WDR72: variants seen among roughly 807,000 people sequenced by gnomAD.
WDR72 encodes WD repeat domain 72.
In WDR72, 120 loss-of-function variants were observed where a neutral mutation model predicts 124.2. The ratio of observed to expected loss-of-function variants is 0.97; its 90% CI spans 0.83 to 1.12. The LOEUF (loss-of-function observed/expected upper bound fraction) is 1.12. WDR72 is among the 50% of genes most tolerant of loss of function. WDR72 has a pLI of 0.00. For missense variants in WDR72, 1,387 were observed against 1,278.8 expected (o/e 1.08, Z -1.29); for synonymous variants, 452 against 441.7 (o/e 1.02, Z -0.29).
intron 1 of WDR72, among the ~76,000 whole-genome samples, chr15:53,735,997 A>G (rs2018342857): frequency 6.6e-6 from 1 of 152,108 alleles, no homozygotes; most frequent in Non-Finnish European, 1.5e-5. Context: ...AGGGAGAATA[A>G]TTAACTTGAA....
chr15:53,740,532 GT>G (rs2018482852), intron 1 of WDR72, among the ~76,000 whole-genome samples: 1 of 152,040 alleles, frequency 6.6e-6, no homozygotes. Context: ...TCCTGACCTC[GT>G]GATCCGCCCG....
intron 14 of WDR72, among the ~76,000 whole-genome samples, chr15:53,621,095 T>G (rs538062264): frequency 1.3e-5 from 2 of 152,026 alleles, no homozygotes; most frequent in African/African-American, 2.4e-5. Flanking sequence ...AAAACCACAA[T>G]GCAATACCAC....
intron 18 of WDR72, among the ~76,000 whole-genome samples, chr15:53,572,540 C>T (rs1894578622): frequency 6.6e-6 from 1 of 152,062 alleles, no homozygotes; most frequent in African/African-American, 2.4e-5. Context: ...TTTGTTAGAA[C>T]TGACTCGAAA....
intron 2 of WDR72, among the ~76,000 whole-genome samples, chr15:53,726,264 G>GTGTGTATATA (rs1555428779): frequency 1.3e-4 from 14 of 110,356 alleles, no homozygotes; most frequent in Middle Eastern, 4.5e-3. Flanking sequence ...ATGTATGTGT[G>GTGTGTATATA]TATATATATA....
intron 18 of WDR72, among the ~76,000 whole-genome samples, chr15:53,596,386 A>T (rs909936716): frequency 2.6e-5 from 4 of 152,146 alleles, no homozygotes; most frequent in Admixed American, 2.6e-4. Flanking sequence ...ATTTAGACTC[A>T]CTTGTTGGCC....
chr15:53,672,200 G>T (rs2016016383), intron 13 of WDR72, among the ~76,000 whole-genome samples: 1 of 151,630 alleles, frequency 6.6e-6, no homozygotes, highest in African/African-American at 2.4e-5. Context: ...TACGGTAAAG[G>T]CCAAGTTTAA....
chr15:53,682,325 T>A (rs1200612733), intron 13 of WDR72, among the ~76,000 whole-genome samples: 1 of 151,562 alleles, frequency 6.6e-6, no homozygotes, highest in Non-Finnish European at 1.5e-5. Flanking sequence ...GGTGGGAGGA[T>A]GCACTCATGT....
Position 53,516,430 on chromosome 15 carries a change from G to A in WDR72, c.*1269C>T, listed in dbSNP as rs549704607. 1 of 152,068 alleles carries A rather than the reference G, an allele frequency of 6.6e-6. No homozygotes were observed. Among genetic ancestry groups the A allele is most frequent in the Admixed American group, 6.6e-5 (1 of 15,244 alleles). The allele number at this position is 152,068 out of a possible 1,614,324, so 9.4% of individuals were successfully genotyped here. On this transcript the variant is annotated 3_prime_UTR_variant, in exon 20 of 20. Transcript: ENST00000360509. ...GCATAAGACCTGAGGCTGGTCCCAT[G>A]CTCAAAAATGTTTCTTTAATTGAAG...
At chr15:53,680,475 AAGG>A (rs1325699146) in intron 13 of WDR72, among the ~76,000 whole-genome samples, 7 of 152,182 alleles carry the variant, frequency 4.6e-5, no homozygotes, top group African/African-American at 1.7e-4. Flanking sequence ...GACCTCTAAT[AAGG>A]AACATGTAAC....
intron 13 of WDR72, among the ~76,000 whole-genome samples, chr15:53,667,244 T>C (rs1370118741): frequency 6.6e-6 from 1 of 151,978 alleles, no homozygotes; most frequent in Non-Finnish European, 1.5e-5. Context: ...TCCCAGCTAC[T>C]AGGTAGGGCT....
At chr15:53,682,405 A>G (rs1215331922) in intron 13 of WDR72, among the ~76,000 whole-genome samples, 1 of 152,142 alleles carries the variant, frequency 6.6e-6, no homozygotes. Flanking sequence ...TAAAATATAT[A>G]TATACAACGA....
At chr15:53,570,196 C>T (rs751218512) in intron 18 of WDR72, among the ~76,000 whole-genome samples, 52 of 151,028 alleles carry the variant, frequency 3.4e-4, no homozygotes, top group African/African-American at 1.1e-3. Flanking sequence ...CATGATGTTT[C>T]GAAATATGTA....
rs941030539 is a variant in WDR72 at position 53,517,472 on chromosome 15, T to C, written c.*227A>G. The stretch of plus-strand genomic sequence containing the variant: ...CAGGAATAGAGAATGATCTAGGCAA[T>C]ATTTTTCTAAAATTAGATGAATATG... On this transcript the variant is annotated 3_prime_UTR_variant, in exon 20 of 20. Coordinates refer to ENST00000360509, the MANE Select transcript of WDR72 (RefSeq NM_182758.4). 1 of 518,456 alleles carries C rather than the reference T, an allele frequency of 1.9e-6. No homozygotes were observed. The highest frequency in any genetic ancestry group is 1.9e-5 in the African/African-American group (1 of 51,872). The allele number at this position is 518,456 out of a possible 1,614,324, so 32.1% of individuals were successfully genotyped here.
chr15:53,706,017 T>A lies in WDR72; in HGVS notation c.1012A>T (p.Lys338Ter), dbSNP rs761498935. 2.5e-6 allele frequency: 4 copies of A among 1,614,056 alleles called. No individual in the cohort carries two copies. The highest frequency in any genetic ancestry group is 3.4e-6 in the Non-Finnish European group (4 of 1,179,994). ...GAGACTTCTCCAGAGAAAAGTACCTTGTAAAAAGGCTCTTTCCTTTCATTC... is the reference window on the plus strand; with the variant it reads ...GAGACTTCTCCAGAGAAAAGTACCTAGTAAAAAGGCTCTTTCCTTTCATTC... ...YMNERKEPFY[K>*]VLFSGEVSGR... Residue 338 changes from lysine to a stop codon, truncating the protein, a stop_gained, in exon 10 of 20, where the codon AAG becomes TAG. Coordinates refer to ENST00000360509, the MANE Select transcript of WDR72 (RefSeq NM_182758.4). LOFTEE classifies it high-confidence loss of function.
chr15:53,734,299 A>G (rs1392331810), intron 1 of WDR72, among the ~76,000 whole-genome samples: 1 of 152,200 alleles, frequency 6.6e-6, no homozygotes, highest in Non-Finnish European at 1.5e-5. Flanking sequence ...TATCTAGTCT[A>G]TAATACACTT....
chr15:53,645,413 C>T (rs141844796), intron 14 of WDR72, among the ~76,000 whole-genome samples: 15 of 152,240 alleles, frequency 9.9e-5, no homozygotes, highest in African/African-American at 3.4e-4. Context: ...ACAAACTGCT[C>T]ATTTCTTTTT....
At chr15:53,714,554 A>G (rs1369993593) in intron 5 of WDR72, 44 bp from the exon 6 acceptor site, 1 of 1,453,192 alleles carries the variant, frequency 6.9e-7, no homozygotes, top group Non-Finnish European at 9.7e-7. Flanking sequence ...CCATGGATAT[A>G]ATTGGGTAGG....
chr15:53,737,055 T>C (rs1429652521), intron 1 of WDR72, among the ~76,000 whole-genome samples: 1 of 148,632 alleles, frequency 6.7e-6, no homozygotes, highest in Non-Finnish European at 1.5e-5. Flanking sequence ...AGACTTGCCA[T>C]CTCTGTTAGC....
Position 53,641,150 on chromosome 15 carries a change from G to A in WDR72, c.1962+24422C>T, listed in dbSNP as rs185820767. 2.3e-3 allele frequency among the ~76,000 whole-genome samples: 357 copies of A among 152,068 alleles called. 1 individual carries two copies. The highest frequency in any genetic ancestry group is 8.3e-3 in the African/African-American group (343 of 41,526). ...AGTTTATTTTTGTGAAAGGTAGAGAGTTGGGATATAATTTTATATTTTATA... is the reference window on the plus strand; with the variant it reads ...AGTTTATTTTTGTGAAAGGTAGAGAATTGGGATATAATTTTATATTTTATA... On this transcript the variant is annotated intron_variant, in intron 14 of 19. Transcript: ENST00000360509.
Sources: gnomAD v4.1 joint callset for allele counts (sites outside exome capture counted in the v4.1 genomes callset) on GRCh38, gnomAD v4.1.1 for gene constraint, MANE v1.5 for transcripts, NCBI Gene and HGNC (gene_info 2026-07-23, HGNC 2026-07-21) for gene names.